AAMDC: variants seen among roughly 807,000 people sequenced by gnomAD.
AAMDC encodes the protein adipogenesis associated Mth938 domain containing.
Under a neutral mutation model 15.5 loss-of-function variants are expected in AAMDC, and 16 were observed. That is an observed-to-expected ratio of 1.03 (90% CI 0.70 to 1.57). AAMDC has a LOEUF of 1.57. AAMDC is among the 40% of genes most tolerant of loss of function. The probability of loss-of-function intolerance (pLI) is 0.00; values close to 1 mark genes in which losing one functional copy is unlikely to be tolerated. For synonymous variants in AAMDC, 51 were observed against 51.6 expected, an observed-to-expected ratio of 0.99 and a Z score of 0.05; for missense variants, 141 against 144.9, an observed-to-expected ratio of 0.97 and a Z score of 0.14.
At chr11:77,882,784 A>C (rs1951842975) in intron 5 of AAMDC, among the ~76,000 whole-genome samples, 1 of 152,154 alleles carries the variant, frequency 6.6e-6, no homozygotes, top group African/African-American at 2.4e-5. Flanking sequence ...GAAACCATTA[A>C]TAAAGGCCCA....
chr11:77,852,474 A>G (rs1052403557), intron 2 of AAMDC, among the ~76,000 whole-genome samples: 7 of 152,076 alleles, frequency 4.6e-5, no homozygotes, highest in African/African-American at 1.2e-4. Flanking sequence ...GCTGTTCACT[A>G]TCACCAGAAC....
At chr11:77,875,516 G>A (rs1442560336), downstream of AAMDC, among the ~76,000 whole-genome samples, 1 of 152,178 alleles carries the variant, frequency 6.6e-6, no homozygotes, top group Non-Finnish European at 1.5e-5. Context: ...GAAAATAACT[G>A]AGTGGAATGG....
chr11:77,900,504 C>T, intron 5 of AAMDC: 1 of 589,710 alleles, frequency 1.7e-6, no homozygotes, highest in African/African-American at 1.9e-5. Context: ...TATTTCTGAC[C>T]TAGTATGTTT....
chr11:77,878,177 ATG>A (rs1326451812), intron 5 of AAMDC, among the ~76,000 whole-genome samples: 5 of 152,088 alleles, frequency 3.3e-5, no homozygotes, highest in Non-Finnish European at 7.4e-5. Context: ...CCTGGCTAAC[ATG>A]GTGAAACCCC....
chr11:77,889,996 T>C (rs1192131414), intron 5 of AAMDC, among the ~76,000 whole-genome samples: 1 of 152,200 alleles, frequency 6.6e-6, no homozygotes, highest in African/African-American at 2.4e-5. Context: ...CGTATTAGAA[T>C]CACCTATGAA....
chr11:77,822,606 G>T (rs4245453), intron 1 of AAMDC, among the ~76,000 whole-genome samples: 38,560 of 151,844 alleles, frequency 0.25, 5,605 homozygotes, highest in South Asian at 0.49. Context: ...AACCATAAGG[G>T]TGTGTATTAT....
chr11:77,884,186 G>C (rs1293564359), intron 5 of AAMDC, among the ~76,000 whole-genome samples: 1 of 152,120 alleles, frequency 6.6e-6, no homozygotes, highest in African/African-American at 2.4e-5. Flanking sequence ...TATGAACAGA[G>C]TGTCTCTATT....
At chr11:77,870,361 G>A (rs543435436) in intron 3 of AAMDC, among the ~76,000 whole-genome samples, 86 of 126,570 alleles carry the variant, frequency 6.8e-4, no homozygotes, top group Non-Finnish European at 8.9e-4. Context: ...TTTTTGAGAC[G>A]GAGTCTTGTT....
At chr11:77,877,767 G>C (rs908846326) in intron 5 of AAMDC, among the ~76,000 whole-genome samples, 1 of 151,200 alleles carries the variant, frequency 6.6e-6, no homozygotes, top group Non-Finnish European at 1.5e-5. Flanking sequence ...TTTTTAAACA[G>C]AGATGGGGTC....
intron 1 of AAMDC, among the ~76,000 whole-genome samples, chr11:77,825,998 T>G (rs934900347): frequency 6.6e-6 from 1 of 152,148 alleles, no homozygotes; most frequent in African/African-American, 2.4e-5. Context: ...CTACCCATCT[T>G]TTTTTGAGAC....
chr11:77,876,033 G>A (rs368641115), downstream of AAMDC, among the ~76,000 whole-genome samples: 8 of 152,278 alleles, frequency 5.3e-5, no homozygotes, highest in South Asian at 1.7e-3. Context: ...GAATGGTGTG[G>A]TCAGATCAGC....
At chr11:77,878,057 G>T (rs1951647880) in intron 5 of AAMDC, among the ~76,000 whole-genome samples, 1 of 152,054 alleles carries the variant, frequency 6.6e-6, no homozygotes, top group Admixed American at 6.5e-5. Context: ...AATAATGGCA[G>T]GCAAGATCAA....
At chr11:77,828,252 G>A (rs1949266200) in intron 1 of AAMDC, among the ~76,000 whole-genome samples, 1 of 151,362 alleles carries the variant, frequency 6.6e-6, no homozygotes, top group Admixed American at 6.6e-5. Context: ...TCCAGCCTGG[G>A]TGACAGAGCG....
At chr11:77,872,126 C>T (rs746302505) in intron 3 of AAMDC, 49 bp from the exon 4 acceptor site, 2 of 1,581,458 alleles carry the variant, frequency 1.3e-6, no homozygotes, top group Non-Finnish European at 8.6e-7. Context: ...TAAAGGAACC[C>T]CTGGGGGGCC....
rs202047343 is a variant in AAMDC at position 77,894,300 on chromosome 11, A to G, written c.329-6271A>G. The G allele has an allele frequency of 1.8e-4, 271 of 1,542,888 alleles. No individual in the cohort carries two copies. Among genetic ancestry groups the G allele is most frequent in the Admixed American group, 4.0e-4 (23 of 57,330 alleles). Reference sequence around the variant, plus strand: ...TTATAAAATACTTACCTCTGAAAAAAGTCTACTTCCTGTAAAAATTTTTCA... The same window carrying G: ...TTATAAAATACTTACCTCTGAAAAAGGTCTACTTCCTGTAAAAATTTTTCA... On this transcript the variant is annotated intron_variant, in intron 5 of 5. Transcript: ENST00000304716.
chr11:77,883,876 T>C, intron 5 of AAMDC: 1 of 1,613,086 alleles, frequency 6.2e-7, no homozygotes, highest in South Asian at 1.1e-5. Flanking sequence ...GATGAGCCGG[T>C]GCCGCCCTGG....
At chr11:77,884,071 G>A (rs1951894679) in intron 5 of AAMDC, 1 of 1,023,578 alleles carries the variant, frequency 9.8e-7, no homozygotes, top group African/African-American at 1.6e-5. Flanking sequence ...ACTTTACTAA[G>A]ATTGAGCCTT....
At chr11:77,899,072 C>G (rs1469118900) in intron 5 of AAMDC, among the ~76,000 whole-genome samples, 1 of 152,012 alleles carries the variant, frequency 6.6e-6, no homozygotes, top group African/African-American at 2.4e-5. Flanking sequence ...AATTCAATAA[C>G]CCTTACAATA....
chr11:77,868,419 C>T (rs1252352438), intron 2 of AAMDC, among the ~76,000 whole-genome samples: 2 of 136,616 alleles, frequency 1.5e-5, no homozygotes, highest in Non-Finnish European at 3.0e-5. Flanking sequence ...AGTGCAATGG[C>T]GTGATCTCAG....
Sources: gnomAD v4.1 joint callset for allele counts (sites outside exome capture counted in the v4.1 genomes callset) on GRCh38, gnomAD v4.1.1 for gene constraint, MANE v1.5 for transcripts, NCBI Gene and HGNC (gene_info 2026-07-23, HGNC 2026-07-21) for gene names.